The following NFASC variants were observed in gnomAD, a reference collection of about 807,000 sequenced individuals.
The protein encoded by NFASC is neurofascin.
Under a neutral mutation model 147.5 loss-of-function variants are expected in NFASC, and 43 were observed. The observed-to-expected ratio is 0.29, with a 90% CI of 0.23 to 0.38. The LOEUF (loss-of-function observed/expected upper bound fraction) is 0.38. NFASC is among the 10% of genes least tolerant of loss of function. NFASC has a pLI of 1.00. For missense variants in NFASC, 1,320 were observed against 1,689.0 expected (o/e 0.78, Z 3.83); for synonymous variants, 622 against 665.5 (o/e 0.93, Z 1.01).
Position 204,968,786 on chromosome 1 carries a change from C to G in NFASC, c.819-12C>G. The G allele has an allele frequency of 6.2e-7, 1 of 1,607,026 alleles. No individual in the cohort carries two copies. Among genetic ancestry groups the G allele is most frequent in the South Asian group, 1.1e-5 (1 of 90,306 alleles). ...TAGTGATAACTTGTTTCCTGCTTGGCGCCTCTCCTAGCCCAACACCAGACA... is the reference window on the plus strand; with the variant it reads ...TAGTGATAACTTGTTTCCTGCTTGGGGCCTCTCCTAGCCCAACACCAGACA... On this transcript the variant is annotated splice_polypyrimidine_tract_variant and intron_variant, in intron 9 of 29. Transcript: ENST00000339876. This position sits in a 1 kb window ranked among gnomAD's most constrained non-coding sequence, Gnocchi z 5.4.
chr1:204,971,989 A>G (rs748530499), intron 11 of NFASC, among the ~76,000 whole-genome samples: 2 of 152,302 alleles, frequency 1.3e-5, no homozygotes, highest in Non-Finnish European at 2.9e-5. Flanking sequence ...AAGGAGAGTG[A>G]CTGGGGGGAT....
At chr1:204,829,368 C>A (rs1422875006) in intron 1 of NFASC, among the ~76,000 whole-genome samples, 1 of 151,786 alleles carries the variant, frequency 6.6e-6, no homozygotes, top group African/African-American at 2.4e-5. Flanking sequence ...CTCAAGAACC[C>A]CGCCTTCTCC....
Position 204,947,099 on chromosome 1 carries a change from G to T in NFASC, c.91+2693G>T, listed in dbSNP as rs576883782. 1.9e-5 allele frequency: 6 copies of T among 314,118 alleles called. No individual in the cohort carries two copies. In the East Asian group the frequency reaches 3.2e-4, roughly 17 times the overall value. 19.5% of individuals were successfully genotyped at this position (314,118 alleles called of 1,614,324 possible). A position where few individuals can be genotyped will look rare whatever the true frequency, so the allele number is the denominator to read the frequency against. ...CCAAAAGAAACAGCAGCAGAAACAG[G>T]CCCAAAAGAACGGGGAGAAGAAAAT... On this transcript the variant is annotated intron_variant, in intron 3 of 29. Transcript: ENST00000339876.
At chr1:205,000,338 C>G (rs1352731612) in intron 25 of NFASC, 3 of 152,192 alleles carry the variant, frequency 2.0e-5, no homozygotes, top group East Asian at 3.9e-4. Context: ...ACCTATCAGC[C>G]AGGCTTCTCT....
rs147296640 is a variant in NFASC at position 204,920,627 on chromosome 1, G to T, written c.-199-5G>T. On this transcript the variant is annotated splice_region_variant and splice_polypyrimidine_tract_variant and intron_variant, in intron 1 of 29. Transcript: ENST00000339876. ...GGGGTTCTCCTTTGTGCTTGCTTGA[G>T]ACAGGTTGATTGACTTATGTGCAAT... is the stretch of plus-strand genomic sequence containing the variant. 1.6e-6 allele frequency: 2 copies of T among 1,280,856 alleles called. No individual in the cohort carries two copies. The highest frequency in any genetic ancestry group is 2.5e-5 in the South Asian group (2 of 80,856). 79.3% of individuals were successfully genotyped at this position (1,280,856 alleles called of 1,614,324 possible).
intron 8 of NFASC, chr1:204,962,018 T>G: frequency 9.8e-7 from 1 of 1,021,108 alleles, no homozygotes; most frequent in Non-Finnish European, 1.5e-6. Context: ...CAGTTGTTTT[T>G]CTGGCTTTGC....
intron 13 of NFASC, 101 bp downstream of exon 13, chr1:204,974,391 T>G: frequency 1.1e-6 from 1 of 942,706 alleles, no homozygotes; most frequent in South Asian, 1.4e-5. Flanking sequence ...CCTGGGAATC[T>G]TAAAGGGTCA....
At chr1:204,884,016 G>T (rs1348357998) in intron 1 of NFASC, among the ~76,000 whole-genome samples, 1 of 152,174 alleles carries the variant, frequency 6.6e-6, no homozygotes, top group African/African-American at 2.4e-5. Flanking sequence ...TCGACATCTT[G>T]GTTTTTCCCT....
rs200275591 is a variant in NFASC at position 205,016,455 on chromosome 1, G to T, written c.3639G>T (p.Thr1213=). 6.2e-7 allele frequency: 1 copy of T among 1,614,074 alleles called. No homozygotes were observed. Among genetic ancestry groups the T allele is most frequent in the Non-Finnish European group, 8.5e-7 (1 of 1,180,004 alleles). ...NEDGSFIGQY[T]VKKDKEETEG... The stretch of plus-strand genomic sequence containing the variant: ...ACGGCTCCTTCATCGGCCAGTACAC[G>T]GTCAAAAAGGACAAGGAGGAAACAG... Residue 1213 remains threonine (T), a synonymous_variant, in exon 30 of 30, where the codon ACG becomes ACT. Transcript: ENST00000339876. This position sits in a 1 kb window ranked among gnomAD's most constrained non-coding sequence, Gnocchi z 5.1.
chr1:204,954,996 G>C lies in NFASC; in HGVS notation c.535+45G>C, dbSNP rs368790449. 12 of 1,605,890 alleles carry C rather than the reference G, an allele frequency of 7.5e-6. No individual in the cohort carries two copies. Among genetic ancestry groups the C allele is most frequent in the East Asian group, 6.7e-5 (3 of 44,594 alleles). On this transcript the variant is annotated intron_variant, in intron 7 of 29. Coordinates refer to ENST00000339876, the MANE Select transcript of NFASC (RefSeq NM_001005388.3). This position sits in a 1 kb window ranked among gnomAD's most constrained non-coding sequence, Gnocchi z 5.7. ...TGTTGTGTTTATATCTTAACCTTAG[G>C]GGGTGGGGTGGGTGTGTTAAGTGGG...
intron 24 of NFASC, 108 bp downstream of exon 24, chr1:204,991,414 C>A: frequency 8.7e-7 from 1 of 1,145,562 alleles, no homozygotes; most frequent in South Asian, 1.3e-5. Flanking sequence ...AAAGCATGCT[C>A]CAGACTCACC....
At chr1:204,849,761 C>T (rs1041823153) in intron 1 of NFASC, among the ~76,000 whole-genome samples, 2 of 152,144 alleles carry the variant, frequency 1.3e-5, no homozygotes, top group African/African-American at 4.8e-5. Context: ...ACTGCCTTCC[C>T]AAGAGTGAAA....
At chr1:204,997,529 C>T in intron 25 of NFASC, 123 bp downstream of exon 25, 1 of 1,100,026 alleles carries the variant, frequency 9.1e-7, no homozygotes, top group Non-Finnish European at 1.4e-6. Context: ...CACCACCTCC[C>T]TTTGTGTTTC....
rs544045716 is a variant in NFASC, at chr1:204,846,099, G to A, written c.-200+17317G>A. On this transcript the variant is annotated intron_variant, in intron 1 of 29. Coordinates refer to ENST00000339876, the MANE Select transcript of NFASC (RefSeq NM_001005388.3). ...TGGCTGGGCGCCGTGGCTCACACCT[G>A]TAATCCCAGCATTTTGGGAGGCTGA... is the stretch of plus-strand genomic sequence containing the variant. Among the ~76,000 whole-genome samples, 262 of 149,428 alleles carry A rather than the reference G, an allele frequency of 1.8e-3. 1 individual carries two copies. The highest frequency in any genetic ancestry group is 6.1e-3 in the African/African-American group (248 of 40,564).
chr1:204,938,426 G>T (rs563040093), intron 2 of NFASC, among the ~76,000 whole-genome samples: 1 of 152,290 alleles, frequency 6.6e-6, no homozygotes, highest in South Asian at 2.1e-4. Flanking sequence ...CATAGGAATT[G>T]TGTGATAAAT....
chr1:204,940,001 C>G (rs113666911), intron 2 of NFASC, among the ~76,000 whole-genome samples: 22 of 152,326 alleles, frequency 1.4e-4, no homozygotes, highest in African/African-American at 5.3e-4. Flanking sequence ...TGCCTGCCTT[C>G]CATGCTGAGT....
chr1:205,009,580 A>G lies in NFASC; in HGVS notation c.3313A>G (p.Ile1105Val), dbSNP rs1235256659. Reference protein sequence around the residue: ...STAYTNNQADIATQGWFIGLM... With the variant: ...STAYTNNQADVATQGWFIGLM... ...AGCTTACACCAACAACCAAGCGGAC[A>G]TCGCCACCCAGGGCTGGTTCATTGG... Residue 1105 changes from isoleucine (I) to valine (V), a missense_variant, in exon 28 of 30, where the codon ATC (isoleucine) becomes GTC (valine). Ile to Val is a conservative substitution (Grantham distance 29, BLOSUM62 3). Transcript: ENST00000339876. The G allele has an allele frequency of 1.1e-5, 17 of 1,614,056 alleles. No individual in the cohort carries two copies. The highest frequency in any genetic ancestry group is 1.3e-5 in the African/African-American group (1 of 74,924).
At chr1:204,885,240 C>T (rs990776852) in intron 1 of NFASC, among the ~76,000 whole-genome samples, 1 of 152,142 alleles carries the variant, frequency 6.6e-6, no homozygotes, top group Non-Finnish European at 1.5e-5. Context: ...TATCTCCTCT[C>T]ACCCACCCAT....
intron 1 of NFASC, among the ~76,000 whole-genome samples, chr1:204,836,863 G>T (rs1189462188): frequency 5.9e-5 from 9 of 152,204 alleles, no homozygotes; most frequent in South Asian, 2.1e-4. Context: ...CTCAGCCCTG[G>T]GATATGCCCT....
Sources: allele counts gnomAD v4.1 joint callset (sites outside exome capture counted in the v4.1 genomes callset), GRCh38; gene constraint gnomAD v4.1.1; non-coding constraint Gnocchi (gnomAD v3.1); transcripts MANE v1.5; gene names NCBI Gene and HGNC (gene_info 2026-07-23, HGNC 2026-07-21).